STRADA: variants seen among roughly 807,000 people sequenced by gnomAD.
The protein encoded by STRADA is STE20 related adaptor alpha.
STRADA carries 26 observed loss-of-function variants against 55.0 expected under a neutral mutation model. The ratio of observed to expected loss-of-function variants is 0.47; its 90% CI spans 0.35 to 0.66. STRADA has a LOEUF of 0.66. STRADA is among the 30% of genes least tolerant of loss of function. The pLI is 0.01. For synonymous variants in STRADA, 197 were observed against 210.9 expected, an observed-to-expected ratio of 0.93 and a Z score of 0.57; for missense variants, 443 against 549.7, an observed-to-expected ratio of 0.81 and a Z score of 1.94.
chr17:63,737,480 A>C (rs1441399987), intron 1 of STRADA: 3 of 143,012 alleles, frequency 2.1e-5, no homozygotes, highest in South Asian at 2.1e-4. Flanking sequence ...TATAGAACAC[A>C]ATGTAAATGC....
At chr17:63,713,609 G>A in intron 5 of STRADA, 82 bp from the exon 6 acceptor site, 1 of 1,529,708 alleles carries the variant, frequency 6.5e-7, no homozygotes, top group Non-Finnish European at 8.8e-7. Context: ...AAAGGGACTT[G>A]ATTTCAAAAG....
At position 63,738,335 on chromosome 17, in the gene STRADA, C is replaced by T. The variant is rs149217458; in HGVS notation, c.-45+3406G>A. Among the ~76,000 whole-genome samples, 131 of 116,754 alleles carry T rather than the reference C, an allele frequency of 1.1e-3. 1 individual carries two copies. In the East Asian group the frequency reaches 0.016, roughly 14 times the overall value. 76.6% of individuals were successfully genotyped at this position (116,754 alleles called of 152,430 possible). On this transcript the variant is annotated intron_variant, in intron 1 of 12. Coordinates refer to ENST00000336174, the MANE Select transcript of STRADA (RefSeq NM_001003787.4). ...CAGCCTGGGCGACAGAGCGAGACTC[C>T]GACTCAAAAAAAAAAAAAAAAAGAG...
At chr17:63,726,577 C>CT in intron 3 of STRADA, 61 bp downstream of exon 3, 6 of 1,542,314 alleles carry the variant, frequency 3.9e-6, no homozygotes, top group Non-Finnish European at 5.3e-6. Flanking sequence ...TTGATTTAGT[C>CT]AACAAAAAAG....
rs768749231 is a variant in STRADA, at chr17:63,728,419, A to C, written c.-44-6T>G. 1.3e-6 allele frequency: 2 copies of C among 1,530,030 alleles called. No individual in the cohort carries two copies. Among genetic ancestry groups the C allele is most frequent in the Admixed American group, 1.9e-5 (1 of 51,508 alleles). The allele number at this position is 1,530,030 out of a possible 1,614,324, so 94.8% of individuals were successfully genotyped here. On this transcript the variant is annotated splice_polypyrimidine_tract_variant and splice_region_variant and intron_variant, in intron 1 of 12. Coordinates refer to ENST00000336174, the MANE Select transcript of STRADA (RefSeq NM_001003787.4). Reference sequence around the variant, plus strand: ...TCAGTTTCAAAAACTTAAACCTAAAAGGAAAATAGAAACAGGTTGAGTTAG... The same window carrying C: ...TCAGTTTCAAAAACTTAAACCTAAACGGAAAATAGAAACAGGTTGAGTTAG...
At chr17:63,739,000 A>G (rs1353002734) in intron 1 of STRADA, among the ~76,000 whole-genome samples, 1 of 151,848 alleles carries the variant, frequency 6.6e-6, no homozygotes, top group Non-Finnish European at 1.5e-5. Context: ...AATTACAAAA[A>G]AAATTAGCCG....
intron 1 of STRADA, chr17:63,741,457 G>C (rs1255545235): frequency 6.5e-6 from 1 of 152,754 alleles, no homozygotes; most frequent in Non-Finnish European, 1.5e-5. Context: ...TCCCCACCTG[G>C]AAGTCCTAGG....
intron 3 of STRADA, 137 bp from the exon 4 acceptor site, chr17:63,723,463 G>A: frequency 9.9e-6 from 9 of 909,152 alleles, no homozygotes; most frequent in East Asian, 2.6e-5. Flanking sequence ...AAAAGTGCCT[G>A]CGGGGCTACA....
chr17:63,721,321 G>A (rs1393099883), intron 4 of STRADA, among the ~76,000 whole-genome samples: 9 of 151,140 alleles, frequency 6.0e-5, no homozygotes, highest in Middle Eastern at 3.4e-3. Flanking sequence ...GCAGTGAGCC[G>A]AGATCATGCC....
At position 63,714,000 on chromosome 17, in the gene STRADA, A is replaced by C; in HGVS notation, c.226+6T>G. Reference sequence around the variant, plus strand: ...GCAGGAGAGTAAGGACGGCCCCTGCACATACCTATCACAGTGAGCAGCTCG... The same window carrying C: ...GCAGGAGAGTAAGGACGGCCCCTGCCCATACCTATCACAGTGAGCAGCTCG... On this transcript the variant is annotated splice_donor_region_variant and intron_variant, in intron 5 of 12. Transcript: ENST00000336174. 12 of 1,612,316 alleles carry C rather than the reference A, an allele frequency of 7.4e-6. No homozygotes were observed. The highest frequency in any genetic ancestry group is 9.3e-6 in the Non-Finnish European group (11 of 1,178,430).
intron 4 of STRADA, chr17:63,715,377 A>C (rs2030947032): frequency 6.6e-6 from 1 of 152,210 alleles, no homozygotes; most frequent in Non-Finnish European, 1.5e-5. Flanking sequence ...ATGGCACAGG[A>C]CCCAGGCCCA....
At chr17:63,705,156 C>T in intron 10 of STRADA, 1 of 584,046 alleles carries the variant, frequency 1.7e-6, no homozygotes, top group Non-Finnish European at 3.1e-6. Context: ...GTCCTCATGA[C>T]CGCATAAGCT....
At chr17:63,717,775 C>T (rs944939372) in intron 4 of STRADA, among the ~76,000 whole-genome samples, 2 of 152,172 alleles carry the variant, frequency 1.3e-5, no homozygotes, top group Non-Finnish European at 2.9e-5. Context: ...CCATGCCCAG[C>T]TAATTTTTGT....
intron 6 of STRADA, among the ~76,000 whole-genome samples, chr17:63,711,575 CCTCCCA>C (rs2036501135): frequency 6.6e-6 from 1 of 152,034 alleles, no homozygotes; most frequent in African/African-American, 2.4e-5. Flanking sequence ...CCTGCTTTGG[CCTCCCA>C]AAGTGCTGGG....
At chr17:63,714,378 A>C in intron 4 of STRADA, 1 of 377,758 alleles carries the variant, frequency 2.6e-6, no homozygotes, top group Non-Finnish European at 5.1e-6. Context: ...CTTTCCAACA[A>C]TCAATGCATT....
chr17:63,730,926 G>A (rs2037995192), intron 1 of STRADA, among the ~76,000 whole-genome samples: 1 of 151,824 alleles, frequency 6.6e-6, no homozygotes, highest in Non-Finnish European at 1.5e-5. Context: ...ACAGGTGTGA[G>A]CCACTGCGCC....
At chr17:63,714,656 C>T (rs2036732932) in intron 4 of STRADA, 1 of 186,860 alleles carries the variant, frequency 5.4e-6, no homozygotes, top group African/African-American at 2.4e-5. Context: ...AGTGGGAGAA[C>T]CCTGATGCCC....
At chr17:63,707,591 C>T (rs1044093758) in intron 8 of STRADA, 173 bp from the exon 9 acceptor site, 21 of 642,670 alleles carry the variant, frequency 3.3e-5, no homozygotes, top group Non-Finnish European at 4.7e-5. Flanking sequence ...ATAAGAGTCT[C>T]ACTCTGTCAC....
chr17:63,735,376 T>C (rs984335997), intron 1 of STRADA, among the ~76,000 whole-genome samples: 2 of 152,214 alleles, frequency 1.3e-5, no homozygotes, highest in Non-Finnish European at 2.9e-5. Context: ...TTGATCAGCA[T>C]ACTTTGGCTT....
At chr17:63,737,248 C>CAAAAAAAAAAAAAAAAAAAAAAAAAAA (rs59155094) in intron 1 of STRADA, 3 of 72,592 alleles carry the variant, frequency 4.1e-5, no homozygotes, top group East Asian at 3.5e-4. Context: ...CACTCTATCT[C>CAAAAAAAAAAAAAAAAAAAAAAAAAAA]AAAAAAAAAA....
Sources: gnomAD v4.1 joint callset for allele counts (sites outside exome capture counted in the v4.1 genomes callset) on GRCh38, gnomAD v4.1.1 for gene constraint, MANE v1.5 for transcripts, NCBI Gene and HGNC (gene_info 2026-07-23, HGNC 2026-07-21) for gene names.